The following PSD3 variants were observed in gnomAD, a reference collection of about 807,000 sequenced individuals.
PSD3 encodes the protein PH and SEC7 domain-containing protein 3.
A neutral mutation model predicts 105.5 loss-of-function variants in PSD3; 49 were observed. The ratio of observed to expected loss-of-function variants is 0.46; its 90% confidence interval spans 0.37 to 0.59. The LOEUF is 0.59. Among genes scored for constraint, PSD3 ranks in the 20% least tolerant of loss-of-function variants. The pLI is 0.00. For synonymous variants in PSD3, 557 were observed against 457.8 expected, an observed-to-expected ratio of 1.22 and a Z score of -2.77; for missense variants, 1,561 against 1,263.8, an observed-to-expected ratio of 1.24 and a Z score of -3.57.
intron 12 of PSD3, among the ~76,000 whole-genome samples, chr8:18,592,124 T>C (rs2130502216): frequency 6.6e-6 from 1 of 152,072 alleles, no homozygotes; most frequent in South Asian, 2.1e-4. Flanking sequence ...ATAAACACTG[T>C]AAAGATGCTC....
chr8:18,728,558 A>C (rs1803498489), intron 9 of PSD3, among the ~76,000 whole-genome samples: 2 of 152,106 alleles, frequency 1.3e-5, no homozygotes, highest in African/African-American at 4.8e-5. Context: ...TGTTTAGGAA[A>C]AGTGTTTGGG....
chr8:18,758,509 T>A (rs905064291), intron 9 of PSD3, among the ~76,000 whole-genome samples: 1 of 151,978 alleles, frequency 6.6e-6, no homozygotes, highest in African/African-American at 2.4e-5. Context: ...AAAAATGGCT[T>A]ATCTCTAGAT....
intron 2 of PSD3, among the ~76,000 whole-genome samples, chr8:18,873,886 T>G (rs1817554540): frequency 6.6e-6 from 1 of 152,234 alleles, no homozygotes; most frequent in African/African-American, 2.4e-5. Flanking sequence ...AGTATTAGTA[T>G]ATATTCACTA....
At chr8:18,916,562 T>C (rs183863591) in intron 2 of PSD3, among the ~76,000 whole-genome samples, 1 of 151,862 alleles carries the variant, frequency 6.6e-6, no homozygotes, top group East Asian at 1.9e-4. Context: ...AGTACGATGG[T>C]GGTTACCAGG....
chr8:18,722,702 G>A (rs1417884789), intron 9 of PSD3, among the ~76,000 whole-genome samples: 2 of 152,122 alleles, frequency 1.3e-5, no homozygotes, highest in East Asian at 3.9e-4. Context: ...AATGGATGAG[G>A]GAGAAAAGCA....
intron 9 of PSD3, among the ~76,000 whole-genome samples, chr8:18,663,520 G>C (rs1042222016): frequency 4.0e-5 from 6 of 151,744 alleles, no homozygotes; most frequent in Non-Finnish European, 8.8e-5. Flanking sequence ...TTACTAATGT[G>C]TGTATGCATT....
intron 4 of PSD3, among the ~76,000 whole-genome samples, chr8:18,815,629 C>T (rs932890465): frequency 6.6e-6 from 1 of 152,050 alleles, no homozygotes; most frequent in Non-Finnish European, 1.5e-5. Flanking sequence ...CAAATTCTTA[C>T]GACACCTTTT....
intron 14 of PSD3, among the ~76,000 whole-genome samples, chr8:18,560,825 CA>C (rs1801350772): frequency 6.6e-6 from 1 of 152,178 alleles, no homozygotes; most frequent in Non-Finnish European, 1.5e-5. Context: ...CTTCAAACTT[CA>C]TATCGAAACT....
At position 18,528,458 on chromosome 8, in the gene PSD3, T is replaced by C. The variant is rs1306876981; in HGVS notation, c.*7285A>G. On this transcript the variant is annotated 3_prime_UTR_variant, in exon 16 of 16. Coordinates refer to ENST00000327040, the MANE Select transcript of PSD3 (RefSeq NM_015310.4). ...GCCACGCTCAGTGACTCAGTCACTC[T>C]CGGAGTTGATACCTTGCCTCAGCAG... 6.6e-6 allele frequency: 1 copy of C among 152,236 alleles called. No individual in the cohort carries two copies. Among genetic ancestry groups the C allele is most frequent in the African/African-American group, 2.4e-5 (1 of 41,446 alleles). 9.4% of individuals were successfully genotyped at this position (152,236 alleles called of 1,614,324 possible).
chr8:18,730,637 C>G (rs1803677315), intron 9 of PSD3, among the ~76,000 whole-genome samples: 1 of 152,182 alleles, frequency 6.6e-6, no homozygotes, highest in Non-Finnish European at 1.5e-5. Context: ...ATACTGTACG[C>G]TATACACTGT....
At chr8:18,706,242 T>C (rs1801888866) in intron 9 of PSD3, among the ~76,000 whole-genome samples, 1 of 152,192 alleles carries the variant, frequency 6.6e-6, no homozygotes, top group Non-Finnish European at 1.5e-5. Context: ...TTTCAACCCA[T>C]TAAGATTTTA....
intron 1 of PSD3, among the ~76,000 whole-genome samples, chr8:18,952,314 C>A (rs1209796258): frequency 6.6e-6 from 1 of 152,168 alleles, no homozygotes; most frequent in Non-Finnish European, 1.5e-5. Flanking sequence ...ATGTGATAAA[C>A]TGTTAACTTT....
intron 11 of PSD3, among the ~76,000 whole-genome samples, chr8:18,601,969 T>C (rs1470489022): frequency 6.6e-6 from 1 of 152,094 alleles, no homozygotes; most frequent in African/African-American, 2.4e-5. Context: ...GTCTGAAAAC[T>C]ATCCTCCCAC....
intron 1 of PSD3, among the ~76,000 whole-genome samples, chr8:19,075,909 C>T (rs1047776933): frequency 1.3e-5 from 2 of 152,160 alleles, no homozygotes; most frequent in African/African-American, 2.4e-5. Context: ...GTAACTTACA[C>T]GTAATCAACA....
At chr8:18,890,389 C>CT (rs541889165) in intron 2 of PSD3, among the ~76,000 whole-genome samples, 428 of 152,160 alleles carry the variant, frequency 2.8e-3, no homozygotes, top group African/African-American at 9.9e-3. Flanking sequence ...AATGTTCAAG[C>CT]TTAATCTAGA....
intron 8 of PSD3, among the ~76,000 whole-genome samples, chr8:18,793,395 G>A (rs1167759515): frequency 1.4e-5 from 2 of 145,664 alleles, no homozygotes; most frequent in Non-Finnish European, 3.0e-5. Context: ...AAACAAAACT[G>A]GGTGACGAGA....
intron 1 of PSD3, among the ~76,000 whole-genome samples, chr8:19,045,166 C>G (rs753532971): frequency 9.9e-5 from 15 of 151,514 alleles, no homozygotes; most frequent in Non-Finnish European, 1.9e-4. Context: ...GCCAGGGTGA[C>G]GGAGCAAGAC....
intron 4 of PSD3, among the ~76,000 whole-genome samples, chr8:18,836,428 C>A (rs147156468): frequency 1.5e-4 from 23 of 152,148 alleles, no homozygotes; most frequent in Non-Finnish European, 2.8e-4. Context: ...TATCTGTGCA[C>A]ATGCAAACTC....
chr8:18,596,604 G>C (rs941634762), intron 12 of PSD3, among the ~76,000 whole-genome samples: 2 of 151,720 alleles, frequency 1.3e-5, no homozygotes, highest in African/African-American at 2.4e-5. Flanking sequence ...AAAAAACAGA[G>C]AACACTCAAA....
Sources: allele counts gnomAD v4.1 joint callset (sites outside exome capture counted in the v4.1 genomes callset), GRCh38; gene constraint gnomAD v4.1.1; transcripts MANE v1.5; gene names NCBI Gene and HGNC (gene_info 2026-07-23, HGNC 2026-07-21).